Variants in NTRK2 observed in about 807,000 individuals in gnomAD.
NTRK2 encodes the protein BDNF/NT-3 growth factors receptor.
A neutral mutation model predicts 94.5 loss-of-function variants in NTRK2; 13 were observed. The observed-to-expected ratio is 0.14, with a 90% CI of 0.09 to 0.22. The LOEUF (loss-of-function observed/expected upper bound fraction) is 0.22. NTRK2 is among the 10% of genes least tolerant of loss of function. The pLI, the probability that NTRK2 is intolerant of heterozygous loss-of-function variation, is 1.00. For missense variants in NTRK2, 639 were observed against 1,071.2 expected, an observed-to-expected ratio of 0.60 and a Z score of 5.63; for synonymous variants, 372 against 407.4, an observed-to-expected ratio of 0.91 and a Z score of 1.05.
intron 2 of NTRK2, among the ~76,000 whole-genome samples, chr9:84,684,582 G>T (rs781781051): frequency 1.3e-5 from 2 of 152,120 alleles, no homozygotes; most frequent in Non-Finnish European, 2.9e-5. Context: ...TTGCAAAGAG[G>T]TCACATCATT....
At chr9:84,805,460 G>A (rs2071002435) in intron 12 of NTRK2, among the ~76,000 whole-genome samples, 2 of 152,190 alleles carry the variant, frequency 1.3e-5, no homozygotes, top group African/African-American at 2.4e-5. Context: ...GTGTGTCCAC[G>A]TGTCTAACTC....
intron 6 of NTRK2, among the ~76,000 whole-genome samples, chr9:84,720,761 A>G (rs1214894339): frequency 2.6e-5 from 4 of 152,186 alleles, no homozygotes; most frequent in Admixed American, 2.6e-4. Context: ...CGTAAGAGAC[A>G]TTGCATCCAT....
intron 15 of NTRK2, among the ~76,000 whole-genome samples, chr9:84,944,308 G>T (rs1407649453): frequency 6.7e-6 from 1 of 148,862 alleles, no homozygotes; most frequent in Non-Finnish European, 1.5e-5. Flanking sequence ...TGTTGCCCAG[G>T]CTGGAGTGCA....
intron 2 of NTRK2, among the ~76,000 whole-genome samples, chr9:84,695,946 T>G (rs938831154): frequency 6.6e-6 from 1 of 152,166 alleles, no homozygotes; most frequent in African/African-American, 2.4e-5. Flanking sequence ...TGGAGGCCAT[T>G]TCTAGTCTTA....
intron 11 of NTRK2, among the ~76,000 whole-genome samples, chr9:84,745,733 A>T (rs2064011075): frequency 6.6e-6 from 1 of 152,140 alleles, no homozygotes; most frequent in East Asian, 1.9e-4. Flanking sequence ...GGGGCATGTG[A>T]ACAGGAGCTT....
chr9:84,770,167 C>CAT (rs1188491938), intron 12 of NTRK2, among the ~76,000 whole-genome samples: 1 of 151,530 alleles, frequency 6.6e-6, no homozygotes, highest in Admixed American at 6.6e-5. Flanking sequence ...CACACACACA[C>CAT]ACACACACAC....
chr9:84,934,115 C>T, intron 14 of NTRK2, 47 bp from the exon 15 acceptor site: 1 of 1,611,848 alleles, frequency 6.2e-7, no homozygotes. Flanking sequence ...GCTGCCTTCA[C>T]CTCCACATGC....
chr9:85,024,566 A>G lies in NTRK2; in HGVS notation c.*3129A>G, dbSNP rs959862235. 1 of 232,982 alleles carries G rather than the reference A, an allele frequency of 4.3e-6. No individual in the cohort carries two copies. The highest frequency in any genetic ancestry group is 8.5e-6 in the Non-Finnish European group (1 of 117,864). 14.4% of individuals were successfully genotyped at this position (232,982 alleles called of 1,614,324 possible). On this transcript the variant is annotated 3_prime_UTR_variant, in exon 19 of 19. Coordinates refer to ENST00000277120, the MANE Select transcript of NTRK2 (RefSeq NM_006180.6). ...CTAGCTTCCAGCACCATTGGGACTG[A>G]ATCCAAGTACTCTCACTCTGAACTT...
Position 84,876,861 on chromosome 9 carries a change from A to C in NTRK2, c.1633+9430A>C, listed in dbSNP as rs1339568961. The C allele has an allele frequency of 6.6e-6, 7 of 1,062,510 alleles. No individual in the cohort carries two copies. In the East Asian group the frequency reaches 3.6e-4, roughly 54 times the overall value. The allele number at this position is 1,062,510 out of a possible 1,614,324, so 65.8% of individuals were successfully genotyped here. ...CATTTAGTCTGTCTTTTTCCCTTTT[A>C]GGAGTCTTTGTTCTGGGTTGATGGC... is the stretch of plus-strand genomic sequence containing the variant. On this transcript the variant is annotated intron_variant, in intron 14 of 18. Coordinates refer to ENST00000277120, the MANE Select transcript of NTRK2 (RefSeq NM_006180.6).
chr9:84,980,949 A>C (rs1003226380), intron 17 of NTRK2, among the ~76,000 whole-genome samples: 1 of 152,248 alleles, frequency 6.6e-6, no homozygotes, highest in African/African-American at 2.4e-5. Flanking sequence ...GTAGGCAATG[A>C]CCTCATGGCA....
chr9:84,734,642 G>A (rs1564152992), intron 9 of NTRK2, among the ~76,000 whole-genome samples: 1 of 152,144 alleles, frequency 6.6e-6, no homozygotes, highest in Non-Finnish European at 1.5e-5. Flanking sequence ...CAGTGAATAA[G>A]TCTTATGAGA....
intron 17 of NTRK2, among the ~76,000 whole-genome samples, chr9:85,002,774 G>A (rs7036090): frequency 0.5 from 76,317 of 152,074 alleles, 19,508 homozygotes; most frequent in Middle Eastern, 0.57. Flanking sequence ...GAAGCAAAGA[G>A]GATGGTCATT....
chr9:85,017,203 G>C (rs142093727), intron 17 of NTRK2, among the ~76,000 whole-genome samples: 1 of 152,110 alleles, frequency 6.6e-6, no homozygotes, highest in Non-Finnish European at 1.5e-5. Flanking sequence ...GAGAGTGAAG[G>C]TTCCAGAGAA....
At chr9:84,735,017 T>A (rs2063153653) in intron 9 of NTRK2, among the ~76,000 whole-genome samples, 1 of 152,116 alleles carries the variant, frequency 6.6e-6, no homozygotes, top group Non-Finnish European at 1.5e-5. Context: ...TCTCCTGTCC[T>A]TTCTTCTTTT....
At position 84,684,370 on chromosome 9, in the gene NTRK2, A is replaced by G. The variant is rs1170340188; in HGVS notation, c.212+13410A>G. Among the ~76,000 whole-genome samples the G allele has an allele frequency of 3.3e-5, 5 of 152,142 alleles. No individual in the cohort carries two copies. In the South Asian group the frequency reaches 6.2e-4, roughly 19 times the overall value. On this transcript the variant is annotated intron_variant, in intron 2 of 18. Transcript: ENST00000277120. ...TAATCCATCTAGAGTTAATTTTTCT[A>G]TAAGATGTAAGGAAGGAGTCCAGTT... is the stretch of plus-strand genomic sequence containing the variant.
At chr9:84,876,768 T>C (rs1389386425) in intron 14 of NTRK2, 2 of 1,061,248 alleles carry the variant, frequency 1.9e-6, no homozygotes, top group East Asian at 5.1e-5. Context: ...CAATTATCAA[T>C]ACATGTAGCT....
intron 14 of NTRK2, among the ~76,000 whole-genome samples, chr9:84,930,157 A>G (rs1363726777): frequency 1.3e-5 from 2 of 152,254 alleles, no homozygotes; most frequent in African/African-American, 2.4e-5. Flanking sequence ...TGCTTCCTTC[A>G]TTACAAAAGT....
At chr9:84,820,403 C>T (rs979994931) in intron 12 of NTRK2, among the ~76,000 whole-genome samples, 2 of 152,006 alleles carry the variant, frequency 1.3e-5, no homozygotes, top group African/African-American at 2.4e-5. Context: ...CTCCCGACCT[C>T]GAGTGATTTG....
chr9:84,900,714 A>G (rs1282864958), intron 14 of NTRK2, among the ~76,000 whole-genome samples: 1 of 152,196 alleles, frequency 6.6e-6, no homozygotes, highest in Non-Finnish European at 1.5e-5. Flanking sequence ...CACCTTCTCC[A>G]GTAGGAAAGG....
Sources: allele counts gnomAD v4.1 joint callset (sites outside exome capture counted in the v4.1 genomes callset), GRCh38; gene constraint gnomAD v4.1.1; transcripts MANE v1.5; gene names NCBI Gene and HGNC (gene_info 2026-07-23, HGNC 2026-07-21).